The following CLNK variants were observed in gnomAD, a reference collection of about 807,000 sequenced individuals.
The protein encoded by CLNK is cytokine dependent hematopoietic cell linker.
A neutral mutation model predicts 68.6 loss-of-function variants in CLNK; 74 were observed. The ratio of observed to expected loss-of-function variants is 1.08; its 90% CI spans 0.89 to 1.31. The LOEUF is 1.31. CLNK is among the 50% of genes most tolerant of loss of function. The probability of loss-of-function intolerance (pLI) is 0.00; values close to 1 mark genes in which losing one functional copy is unlikely to be tolerated. For synonymous variants in CLNK, 198 were observed against 172.2 expected (o/e 1.15, Z -1.17); for missense variants, 553 against 515.3 (o/e 1.07, Z -0.71).
chr4:10,558,625 G>A (rs1440025277), intron 7 of CLNK, among the ~76,000 whole-genome samples, 173 bp from the exon 8 acceptor site: 3 of 152,154 alleles, frequency 2.0e-5, no homozygotes, highest in African/African-American at 4.8e-5. Context: ...ATGCACCTCT[G>A]CCAATGAAGG....
At position 10,661,933 on chromosome 4, in the gene CLNK, C is replaced by A. The variant is rs765932753; in HGVS notation, c.11+5926G>T. 1.2e-4 allele frequency among the ~76,000 whole-genome samples: 19 copies of A among 152,140 alleles called. 1 individual carries two copies. The highest frequency in any genetic ancestry group is 2.5e-4 in the Non-Finnish European group (17 of 68,028). ...CATGTGTGGAAGGTAGAATTCTATACCTCTACGAATCTCTCCACCTCTAAA... is the reference window on the plus strand; with the variant it reads ...CATGTGTGGAAGGTAGAATTCTATAACTCTACGAATCTCTCCACCTCTAAA... On this transcript the variant is annotated intron_variant, in intron 2 of 18. Transcript: ENST00000226951.
chr4:10,513,314 C>T, intron 16 of CLNK, 150 bp downstream of exon 16: 2 of 604,326 alleles, frequency 3.3e-6, no homozygotes, highest in Non-Finnish European at 5.3e-6. Flanking sequence ...TATTAAAATA[C>T]TTTAAAAATA....
chr4:10,537,874 C>A (rs1192010280), intron 11 of CLNK, among the ~76,000 whole-genome samples: 1 of 149,504 alleles, frequency 6.7e-6, no homozygotes, highest in Admixed American at 6.7e-5. Context: ...AATGGCATAC[C>A]TTATCATCAT....
At chr4:10,542,327 A>C (rs1228967591) in intron 8 of CLNK, 47 bp from the exon 9 acceptor site, 1 of 1,314,390 alleles carries the variant, frequency 7.6e-7, no homozygotes, top group Non-Finnish European at 1.1e-6. Context: ...AAATGTCATC[A>C]AGCATTGATT....
At chr4:10,592,632 T>C (rs1489457666) in intron 3 of CLNK, among the ~76,000 whole-genome samples, 1 of 152,164 alleles carries the variant, frequency 6.6e-6, no homozygotes, top group African/African-American at 2.4e-5. Context: ...CCTAGGGTTC[T>C]GCCTTGATTC....
At chr4:10,678,066 G>A (rs1421691373) in intron 1 of CLNK, among the ~76,000 whole-genome samples, 8 of 152,096 alleles carry the variant, frequency 5.3e-5, no homozygotes, top group East Asian at 1.9e-4. Context: ...CTGTAACTTC[G>A]AGTACATTTA....
chr4:10,590,677 T>C (rs1721152073), intron 3 of CLNK, among the ~76,000 whole-genome samples: 1 of 152,224 alleles, frequency 6.6e-6, no homozygotes, highest in South Asian at 2.1e-4. Context: ...AGAATAAGAT[T>C]CTCTGATTTT....
intron 3 of CLNK, among the ~76,000 whole-genome samples, chr4:10,597,675 A>G (rs566590681): frequency 4.6e-5 from 7 of 152,316 alleles, no homozygotes; most frequent in Admixed American, 3.3e-4. Context: ...GCAGAGGAAT[A>G]GAAGCCTCTC....
At chr4:10,699,490 C>CTATATATA in the CLNK span, among the ~76,000 whole-genome samples, 1 of 52,190 alleles carries the variant, frequency 1.9e-5, no homozygotes, top group African/African-American at 7.8e-5. Context: ...CTCTCTCTCT[C>CTATATATA]TCTCTATATA....
At chr4:10,494,873 CA>C (rs1481491397) in intron 18 of CLNK, among the ~76,000 whole-genome samples, 1 of 152,026 alleles carries the variant, frequency 6.6e-6, no homozygotes, top group African/African-American at 2.4e-5. Context: ...TAATCTTTTC[CA>C]GGGGGACAAC....
Position 10,645,394 on chromosome 4 carries a change from C to T in CLNK, c.11+22465G>A, listed in dbSNP as rs79661406. 6.1e-3 allele frequency among the ~76,000 whole-genome samples: 922 copies of T among 152,200 alleles called. 6 individuals are homozygous for T. Among genetic ancestry groups the T allele is most frequent in the Non-Finnish European group, 9.5e-3 (648 of 68,012 alleles). On this transcript the variant is annotated intron_variant, in intron 2 of 18. Coordinates refer to ENST00000226951, the MANE Select transcript of CLNK (RefSeq NM_052964.4). Reference sequence around the variant, plus strand: ...AATGTGCTTTAAGAGAACTTTTAACCCTATTGTTTTGAGATTCTATACTCA... The same window carrying T: ...AATGTGCTTTAAGAGAACTTTTAACTCTATTGTTTTGAGATTCTATACTCA...
At chr4:10,546,574 A>G (rs1317139985) in intron 8 of CLNK, among the ~76,000 whole-genome samples, 2 of 152,170 alleles carry the variant, frequency 1.3e-5, no homozygotes, top group Admixed American at 6.5e-5. Context: ...AGAAGTTCCA[A>G]ACTTTACTTA....
At chr4:10,588,057 C>T (rs955952523) in intron 3 of CLNK, among the ~76,000 whole-genome samples, 5 of 152,138 alleles carry the variant, frequency 3.3e-5, no homozygotes, top group Non-Finnish European at 7.3e-5. Context: ...TTGATTAAGG[C>T]CTCAAAAGGC....
intron 2 of CLNK, among the ~76,000 whole-genome samples, chr4:10,653,791 C>G (rs1417871973): frequency 6.6e-6 from 1 of 152,048 alleles, no homozygotes; most frequent in African/African-American, 2.4e-5. Flanking sequence ...GTGGAGACAC[C>G]AACAGACCAA....
intron 7 of CLNK, among the ~76,000 whole-genome samples, chr4:10,560,923 G>T (rs1231078314): frequency 4.0e-5 from 6 of 151,092 alleles, no homozygotes; most frequent in South Asian, 4.2e-4. Context: ...CTGAGACAAG[G>T]TCTTGTTCTG....
At chr4:10,726,583 C>T in the CLNK span, among the ~76,000 whole-genome samples, 1 of 121,780 alleles carries the variant, frequency 8.2e-6, no homozygotes, top group Admixed American at 1.0e-4. Flanking sequence ...ATTAGGATTT[C>T]AGCATATGAA....
At chr4:10,731,304 T>A in the CLNK span, among the ~76,000 whole-genome samples, 24 of 152,222 alleles carry the variant, frequency 1.6e-4, no homozygotes, top group African/African-American at 5.5e-4. Context: ...TATCAGATAT[T>A]CTTTTTCTGA....
At chr4:10,698,217 T>C in the CLNK span, among the ~76,000 whole-genome samples, 33 of 152,114 alleles carry the variant, frequency 2.2e-4, no homozygotes, top group Admixed American at 8.5e-4. Context: ...GGTGGTGATT[T>C]TACACTAGAT....
chr4:10,550,589 T>C (rs961190502), intron 8 of CLNK, among the ~76,000 whole-genome samples: 1 of 152,216 alleles, frequency 6.6e-6, no homozygotes, highest in Non-Finnish European at 1.5e-5. Flanking sequence ...AGACTCACGA[T>C]GGATGTCTGA....
Sources: allele counts gnomAD v4.1 joint callset (sites outside exome capture counted in the v4.1 genomes callset), GRCh38; gene constraint gnomAD v4.1.1; transcripts MANE v1.5; gene names NCBI Gene and HGNC (gene_info 2026-07-23, HGNC 2026-07-21).